FRMPD4: variants seen among roughly 807,000 people sequenced by gnomAD.
FRMPD4 encodes FERM and PDZ domain containing 4.
In FRMPD4, 22 loss-of-function variants were observed where a neutral mutation model predicts 94.1. That is an observed-to-expected ratio of 0.23 (90% CI 0.17 to 0.33). The LOEUF is 0.33. Ranked by LOEUF, FRMPD4 falls within the 10% of genes least tolerant of loss-of-function variation. FRMPD4 has a pLI of 1.00. For missense variants in FRMPD4, 1,111 were observed against 1,339.9 expected (o/e 0.83, Z 2.67); for synonymous variants, 631 against 548.6 (o/e 1.15, Z -2.10).
intron 1 of FRMPD4, among the ~76,000 whole-genome samples, chrX:12,220,667 T>C (rs1472010248): frequency 8.9e-6 from 1 of 112,065 alleles, no homozygotes; most frequent in Non-Finnish European, 1.9e-5. Flanking sequence ...TGAAATGCTG[T>C]GGTTAACATA....
chrX:12,256,108 G>A (rs2054111748), intron 1 of FRMPD4, among the ~76,000 whole-genome samples: 1 of 111,875 alleles, frequency 8.9e-6, no homozygotes, highest in Non-Finnish European at 1.9e-5. Context: ...CTATTGGGAG[G>A]CCCATATAGG....
Position 12,531,001 on chromosome X carries a change from C to T in FRMPD4, c.158+32205C>T, listed in dbSNP as rs144562506. The stretch of plus-strand genomic sequence containing the variant: ...TTAGTTTTAGGGATAGAGGACAGAA[C>T]GGATAGAAGGAAGTAATAAGAATCT... On this transcript the variant is annotated intron_variant, in intron 2 of 16. Coordinates refer to ENST00000675598, the MANE Select transcript of FRMPD4 (RefSeq NM_001368397.1). Among the ~76,000 whole-genome samples the T allele has an allele frequency of 5.0e-3, 550 of 110,839 alleles. 6 individuals carry two copies. Among genetic ancestry groups the T allele is most frequent in the African/African-American group, 0.017 (509 of 30,424 alleles).
rs771397418 is a variant in FRMPD4 at position 12,583,619 on chromosome X, C to CGGCCCCGCCCCCGGCCA, written c.159-26086_159-26085insAGGCCCCGCCCCCGGCC. 7.5e-3 allele frequency: 3,637 copies of CGGCCCCGCCCCCGGCCA among 481,750 alleles called. 107 individuals carry two copies. The highest frequency in any genetic ancestry group is 0.074 in the African/African-American group (3,098 of 41,886). The allele number at this position is 481,750 out of a possible 1,213,427, so 39.7% of individuals were successfully genotyped here. On this transcript the variant is annotated intron_variant, in intron 2 of 16. Transcript: ENST00000675598. Reference sequence around the variant, plus strand: ...AGTGCTGGTAAAGCCTCGCACCTGGCGGCCCCGCCCCCGGCCCTGGCCAGG... The same window carrying CGGCCCCGCCCCCGGCCA: ...AGTGCTGGTAAAGCCTCGCACCTGGCGGCCCCGCCCCCGGCCAGGCCCCGCCCCCGGCCCTGGCCAGG...
At chrX:11,828,253 A>G (rs1217205535) in intron 1 of FRMPD4, among the ~76,000 whole-genome samples, 3 of 112,166 alleles carry the variant, frequency 2.7e-5, no homozygotes, top group African/African-American at 9.7e-5. Context: ...TAGTACAAAA[A>G]AGAGAAAATT....
chrX:11,835,424 CG>C (rs2053496089), intron 1 of FRMPD4, among the ~76,000 whole-genome samples: 1 of 111,896 alleles, frequency 8.9e-6, no homozygotes, highest in African/African-American at 3.2e-5. Context: ...CCAGATAGCA[CG>C]AAGGCAGCAG....
intron 1 of FRMPD4, among the ~76,000 whole-genome samples, chrX:11,847,145 T>C (rs2053582167): frequency 9.0e-6 from 1 of 111,426 alleles, no homozygotes; most frequent in Non-Finnish European, 1.9e-5. Context: ...GACAAAGGGC[T>C]AATATCCAGA....
At chrX:12,654,792 C>T (rs1259758883) in intron 4 of FRMPD4, among the ~76,000 whole-genome samples, 1 of 111,933 alleles carries the variant, frequency 8.9e-6, no homozygotes, top group East Asian at 2.8e-4. Flanking sequence ...GCCAAAATGC[C>T]ACCCTGGTAC....
chrX:11,842,305 G>A (rs924104022), intron 1 of FRMPD4, among the ~76,000 whole-genome samples: 1 of 100,960 alleles, frequency 9.9e-6, no homozygotes, highest in African/African-American at 4.0e-5. Context: ...GTAGCTTGAT[G>A]GGGATGGCAT....
intron 1 of FRMPD4, among the ~76,000 whole-genome samples, chrX:12,309,850 G>C (rs1436351596): frequency 8.9e-6 from 1 of 112,493 alleles, no homozygotes; most frequent in Admixed American, 9.3e-5. Context: ...GATTTGCTCT[G>C]CTCTGTTGAC....
chrX:12,468,311 C>G (rs1283504488), intron 1 of FRMPD4, among the ~76,000 whole-genome samples: 1 of 112,002 alleles, frequency 8.9e-6, no homozygotes, highest in Admixed American at 9.5e-5. Context: ...AGAGCTAGAA[C>G]AAATTATGGT....
At chrX:11,993,244 G>A (rs778627727) in intron 3 of FRMPD4, among the ~76,000 whole-genome samples, 6 of 110,523 alleles carry the variant, frequency 5.4e-5, no homozygotes, top group Non-Finnish European at 9.5e-5. Flanking sequence ...GAAGGTATGG[G>A]TACCCTCCCT....
Position 12,101,940 on chromosome X carries a change from A to G in FRMPD4, c.95+223922A>G, listed in dbSNP as rs183680938. 2.7e-5 allele frequency among the ~76,000 whole-genome samples: 3 copies of G among 111,967 alleles called. No homozygotes were observed. In the Admixed American group the frequency reaches 2.8e-4, roughly 11 times the overall value. On this transcript the variant is annotated intron_variant, in intron 3 of 18. Coordinates refer to the FRMPD4 transcript ENST00000640291. ...TATACTGGTGTAGAGATCCAACTAC[A>G]TTAAGCTTCATATCTTGATTTTGTA...
chrX:12,094,360 G>A (rs935209788), intron 3 of FRMPD4, among the ~76,000 whole-genome samples: 4 of 112,114 alleles, frequency 3.6e-5, no homozygotes, highest in East Asian at 2.8e-4. Flanking sequence ...ATTGAAGCAA[G>A]GCTCTCTCCT....
At chrX:12,010,254 T>C (rs1027637361) in intron 3 of FRMPD4, among the ~76,000 whole-genome samples, 15 of 112,013 alleles carry the variant, frequency 1.3e-4, no homozygotes, top group East Asian at 2.8e-4. Flanking sequence ...GTTACCTTGA[T>C]GCATAAATGA....
chrX:12,550,819 C>G (rs1385221710), intron 2 of FRMPD4, among the ~76,000 whole-genome samples: 3 of 73,131 alleles, frequency 4.1e-5, no homozygotes, highest in Admixed American at 1.5e-4. Flanking sequence ...TGTGTACTTA[C>G]TTTCTCTTTT....
At chrX:11,923,173 C>T (rs1349557080) in intron 3 of FRMPD4, among the ~76,000 whole-genome samples, 10 of 113,155 alleles carry the variant, frequency 8.8e-5, no homozygotes, top group Non-Finnish European at 1.7e-4. Context: ...GCTTTACTTG[C>T]CATGCCAGCA....
intron 4 of FRMPD4, among the ~76,000 whole-genome samples, chrX:12,639,583 A>T (rs5979700): frequency 9.0e-6 from 1 of 111,183 alleles, no homozygotes; most frequent in Non-Finnish European, 1.9e-5. Flanking sequence ...ATACTTATGG[A>T]CATCAAAGAA....
chrX:12,368,176 G>A (rs2056112251), intron 1 of FRMPD4, among the ~76,000 whole-genome samples: 1 of 111,976 alleles, frequency 8.9e-6, no homozygotes, highest in African/African-American at 3.3e-5. Context: ...GCTTGAGCAA[G>A]TGACTACATC....
intron 5 of FRMPD4, among the ~76,000 whole-genome samples, chrX:12,682,422 C>T (rs1004488496): frequency 5.3e-5 from 6 of 112,244 alleles, no homozygotes; most frequent in African/African-American, 1.9e-4. Context: ...TGTCTTAAGA[C>T]TACATAGCAT....
Sources: allele counts gnomAD v4.1 joint callset (sites outside exome capture counted in the v4.1 genomes callset), GRCh38; gene constraint gnomAD v4.1.1; transcripts MANE v1.5; gene names NCBI Gene and HGNC (gene_info 2026-07-23, HGNC 2026-07-21).